Variants in PFKFB3 observed in about 807,000 individuals in gnomAD.
PFKFB3 encodes 6-phosphofructo-2-kinase/fructose-2,6-bisphosphatase 3.
In PFKFB3, 33 loss-of-function variants were observed where a neutral mutation model predicts 68.0. That is an observed-to-expected ratio of 0.49 (90% CI 0.37 to 0.65). The LOEUF is 0.65. Ranked by LOEUF, PFKFB3 falls within the 30% of genes least tolerant of loss-of-function variation. PFKFB3 has a pLI of 0.00. For synonymous variants in PFKFB3, 315 were observed against 288.2 expected, an observed-to-expected ratio of 1.09 and a Z score of -0.94; for missense variants, 586 against 712.2, an observed-to-expected ratio of 0.82 and a Z score of 2.02.
In PFKFB3 at chr10:6,177,389, T is replaced by TTTCTTTCTTTCTTTCTTTCTTTTC. The variant is rs374332811; in HGVS notation, c.16+32397_16+32398insTTCTTCTTTCTTTCTTTCTTTCTT. ...CTTTCTTTCTTTCTTTCTTTCTTTC[T>TTTCTTTCTTTCTTTCTTTCTTTTC]TTCTTTCTTTCTTTCTTTCTTCTTT... On this transcript the variant is annotated intron_variant, in intron 1 of 14. Transcript: ENST00000379789. Among the ~76,000 whole-genome samples, 21 of 122,970 alleles carry TTTCTTTCTTTCTTTCTTTCTTTTC rather than the reference T, an allele frequency of 1.7e-4. 1 individual carries two copies. The highest frequency in any genetic ancestry group is 2.9e-4 in the Non-Finnish European group (16 of 56,050). 80.7% of individuals were successfully genotyped at this position (122,970 alleles called of 152,430 possible).
At chr10:6,270,702 C>T in the PFKFB3 span, among the ~76,000 whole-genome samples, 5 of 152,196 alleles carry the variant, frequency 3.3e-5, no homozygotes, top group East Asian at 1.9e-4. Context: ...TCCCACCCTC[C>T]GGGCTAGATT....
chr10:6,235,783 T>C (rs562708931), downstream of PFKFB3, among the ~76,000 whole-genome samples: 14 of 151,444 alleles, frequency 9.2e-5, no homozygotes, highest in East Asian at 2.3e-3. Context: ...TTTTTTTTTT[T>C]TGAGACTGTT....
chr10:6,213,678 C>T lies in PFKFB3; in HGVS notation c.132C>T (p.Pro44=), dbSNP rs146319524. Residue 44 remains proline, a synonymous_variant, in exon 2 of 15, where the codon CCC becomes CCT. Transcript: ENST00000379775. ...SPTVIVMVGL[P]ARGKTYISKK... ...CCGTCATCGTCATGGTGGGCCTCCCCGCCCGGGGCAAGACCTACATCTCCA... is the reference window on the plus strand; with the variant it reads ...CCGTCATCGTCATGGTGGGCCTCCCTGCCCGGGGCAAGACCTACATCTCCA... 6.8e-5 allele frequency: 110 copies of T among 1,613,674 alleles called. No individual in the cohort carries two copies. The highest frequency in any genetic ancestry group is 8.3e-5 in the Non-Finnish European group (98 of 1,179,834).
intron 14 of PFKFB3, chr10:6,254,136 T>G (rs1846448298): frequency 2.5e-6 from 1 of 393,020 alleles, no homozygotes; most frequent in Non-Finnish European, 4.4e-6. Context: ...CTTTCTGAGG[T>G]ATCCACTCAA....
intron 14 of PFKFB3, among the ~76,000 whole-genome samples, chr10:6,253,883 A>C (rs1020753406): frequency 6.6e-6 from 1 of 152,078 alleles, no homozygotes; most frequent in Non-Finnish European, 1.5e-5. Context: ...TCTACTAAAA[A>C]ATATACAAAA....
chr10:6,314,131 C>T, the PFKFB3 span, among the ~76,000 whole-genome samples: 2 of 152,204 alleles, frequency 1.3e-5, no homozygotes, highest in African/African-American at 4.8e-5. Flanking sequence ...AGTATTCCCA[C>T]TCCCCAAACC....
intron 1 of PFKFB3, among the ~76,000 whole-genome samples, chr10:6,184,986 C>A (rs776592318): frequency 1.3e-5 from 2 of 152,156 alleles, no homozygotes; most frequent in African/African-American, 4.8e-5. Context: ...CAGCTTCGCA[C>A]GTTCACTCTT....
At chr10:6,291,267 A>G in the PFKFB3 span, among the ~76,000 whole-genome samples, 23 of 152,310 alleles carry the variant, frequency 1.5e-4, no homozygotes, top group Admixed American at 3.3e-4. Flanking sequence ...AGAGGAGTCA[A>G]AAGTTTATCT....
intron 1 of PFKFB3, among the ~76,000 whole-genome samples, chr10:6,210,195 T>C (rs1010615381): frequency 8.4e-6 from 1 of 119,734 alleles, no homozygotes; most frequent in Non-Finnish European, 2.0e-5. Flanking sequence ...TGAGATGTGC[T>C]GTGAGTTTTT....
At chr10:6,275,630 T>C in the PFKFB3 span, among the ~76,000 whole-genome samples, 13 of 152,294 alleles carry the variant, frequency 8.5e-5, no homozygotes, top group Admixed American at 1.3e-4. The surrounding 1 kb of genome is among the most constrained non-coding windows in gnomAD (Gnocchi z 4.9). Flanking sequence ...TGTGGGTTTT[T>C]TTCTTTTTTT....
upstream of PFKFB3, among the ~76,000 whole-genome samples, chr10:6,198,929 T>C (rs1366683044): frequency 2.0e-5 from 3 of 152,252 alleles, no homozygotes; most frequent in Non-Finnish European, 4.4e-5. Context: ...ATAAAGCTGG[T>C]ATAAACATCT....
chr10:6,163,882 G>A (rs1334825506), intron 1 of PFKFB3: 1 of 152,228 alleles, frequency 6.6e-6, no homozygotes, highest in Admixed American at 6.5e-5. Flanking sequence ...CGGCTCGTGA[G>A]CTCCGCGTGG....
In PFKFB3 at chr10:6,177,484, C is replaced by T. The variant is rs533198924; in HGVS notation, c.16+32471C>T. 1.5e-3 allele frequency among the ~76,000 whole-genome samples: 163 copies of T among 109,582 alleles called. 6 individuals are homozygous for T. In the East Asian group the frequency reaches 0.015, roughly 10 times the overall value. 71.9% of individuals were successfully genotyped at this position (109,582 alleles called of 152,430 possible). A position where few individuals can be genotyped will look rare whatever the true frequency, so the allele number is the denominator to read the frequency against. ...TCTTTCTTTCTTTCTTTCTTTCTTTCTTTTTCTTTTCTTTCTCTCTCTCGC... is the reference window on the plus strand; with the variant it reads ...TCTTTCTTTCTTTCTTTCTTTCTTTTTTTTTCTTTTCTTTCTCTCTCTCGC... On this transcript the variant is annotated intron_variant, in intron 1 of 14. Transcript: ENST00000379789.
chr10:6,209,218 C>A (rs772382955), intron 1 of PFKFB3, among the ~76,000 whole-genome samples: 2 of 152,156 alleles, frequency 1.3e-5, no homozygotes, highest in Non-Finnish European at 2.9e-5. Flanking sequence ...GAGCTCGAGT[C>A]CCCCAGATTC....
intron 14 of PFKFB3, among the ~76,000 whole-genome samples, chr10:6,241,968 C>T (rs1846151785): frequency 1.3e-5 from 2 of 151,828 alleles, no homozygotes; most frequent in Admixed American, 1.3e-4. Flanking sequence ...ACCTCAGCCC[C>T]CCGAGTAGCT....
chr10:6,164,184 G>A (rs1314150338), intron 1 of PFKFB3, among the ~76,000 whole-genome samples: 1 of 151,900 alleles, frequency 6.6e-6, no homozygotes, highest in Non-Finnish European at 1.5e-5. Flanking sequence ...ACCCCACCCC[G>A]CGCGTGGATG....
At chr10:6,200,408 T>G (rs187534437), upstream of PFKFB3, among the ~76,000 whole-genome samples, 133 of 152,160 alleles carry the variant, frequency 8.7e-4, no homozygotes, top group African/African-American at 2.6e-3. Flanking sequence ...TTAGCAGAGC[T>G]AGGGAATGAG....
At chr10:6,225,046 C>T (rs1845241913) in intron 13 of PFKFB3, 1 of 449,620 alleles carries the variant, frequency 2.2e-6, no homozygotes, top group Non-Finnish European at 4.5e-6. Context: ...TGCTGTCTAC[C>T]TTGGGGGGAG....
At chr10:6,311,748 CA>C in the PFKFB3 span, among the ~76,000 whole-genome samples, 15 of 147,934 alleles carry the variant, frequency 1.0e-4, no homozygotes, top group Non-Finnish European at 2.1e-4. Flanking sequence ...GACTCCGTCT[CA>C]AAAAAAAAGA....
Sources: gnomAD v4.1 joint callset for allele counts (sites outside exome capture counted in the v4.1 genomes callset) on GRCh38, gnomAD v4.1.1 for gene constraint, Gnocchi (gnomAD v3.1) non-coding constraint, MANE v1.5 for transcripts, NCBI Gene and HGNC (gene_info 2026-07-23, HGNC 2026-07-21) for gene names.